The following PAX2 variants were observed in gnomAD, a reference collection of about 807,000 sequenced individuals.
PAX2 encodes the protein paired box protein Pax-2.
A neutral mutation model predicts 41.7 loss-of-function variants in PAX2; 9 were observed. That is an observed-to-expected ratio of 0.22 (90% CI 0.13 to 0.38). PAX2 has a LOEUF of 0.38. PAX2 is among the 10% of genes least tolerant of loss of function. PAX2 has a pLI of 1.00. For synonymous variants in PAX2, 221 were observed against 212.7 expected, an observed-to-expected ratio of 1.04 and a Z score of -0.34; for missense variants, 418 against 531.6, an observed-to-expected ratio of 0.79 and a Z score of 2.10.
At chr10:100,739,848 C>T (rs1486515681) in intron 1 of PAX2, among the ~76,000 whole-genome samples, 1 of 152,216 alleles carries the variant, frequency 6.6e-6, no homozygotes, top group Non-Finnish European at 1.5e-5. Context: ...ATCATTACTT[C>T]GCCAGCGACA....
intron 3 of PAX2, among the ~76,000 whole-genome samples, chr10:100,775,938 G>T (rs1446849392): frequency 6.6e-6 from 1 of 152,220 alleles, no homozygotes; most frequent in East Asian, 1.9e-4. Flanking sequence ...AGCCGTAAAA[G>T]CTCCTTTTCA....
intron 3 of PAX2, among the ~76,000 whole-genome samples, chr10:100,776,638 G>A (rs1187963178): frequency 3.9e-5 from 6 of 152,156 alleles, no homozygotes; most frequent in African/African-American, 7.2e-5. Context: ...CTGTGTGCCT[G>A]CTGATGCAGG....
chr10:100,749,568 T>G, intron 1 of PAX2, 178 bp from the exon 2 acceptor site: 1 of 1,406,414 alleles, frequency 7.1e-7, no homozygotes. Flanking sequence ...CCAGCGTCTG[T>G]GCTTCCAGTC....
chr10:100,745,340 G>A (rs1426012079), upstream of PAX2, among the ~76,000 whole-genome samples: 1 of 149,700 alleles, frequency 6.7e-6, no homozygotes, highest in Non-Finnish European at 1.5e-5. Flanking sequence ...TCCTTCGCCG[G>A]CTGCTCCCTC....
chr10:100,777,023 G>A lies in PAX2; in HGVS notation c.411-2475G>A, dbSNP rs542269591. 2.8e-4 allele frequency among the ~76,000 whole-genome samples: 43 copies of A among 152,208 alleles called. No individual in the cohort carries two copies. The South Asian group carries it at 3.5e-3, about 12-fold the overall frequency. On this transcript the variant is annotated intron_variant, in intron 3 of 9. Transcript: ENST00000355243. Reference sequence around the variant, plus strand: ...TCTAAACCTGGTTCCTACATGTTGGGGGCAGGATGACAAAGTAACAAAAAG... The same window carrying A: ...TCTAAACCTGGTTCCTACATGTTGGAGGCAGGATGACAAAGTAACAAAAAG...
intron 5 of PAX2, among the ~76,000 whole-genome samples, chr10:100,792,020 T>C (rs1847137723): frequency 6.6e-6 from 1 of 152,238 alleles, no homozygotes; most frequent in Non-Finnish European, 1.5e-5. Flanking sequence ...ACTTGCTTTT[T>C]CTTCGGATGC....
In PAX2 at chr10:100,826,964, C is replaced by T; in HGVS notation, c.1022-45C>T. On this transcript the variant is annotated intron_variant, in intron 8 of 9. Coordinates refer to ENST00000355243, the MANE Select transcript of PAX2 (RefSeq NM_000278.5). This position sits in a 1 kb window ranked among gnomAD's most constrained non-coding sequence, Gnocchi z 5.5. ...CACCGGCCGGACTCGTGGGGTCCGC[C>T]CTGGCTTGCAGGCGTCTGATCCCCA... 1 of 1,376,046 alleles carries T rather than the reference C, an allele frequency of 7.3e-7. No homozygotes were observed. Among genetic ancestry groups the T allele is most frequent in the African/African-American group, 1.4e-5 (1 of 70,032 alleles). The allele number at this position is 1,376,046 out of a possible 1,614,324, so 85.2% of individuals were successfully genotyped here.
chr10:100,798,152 G>A (rs1031504028), intron 5 of PAX2, among the ~76,000 whole-genome samples: 4 of 122,248 alleles, frequency 3.3e-5, no homozygotes, highest in Admixed American at 1.1e-4. Flanking sequence ...GTCTCACTCT[G>A]TCTCCCAGGC....
intron 5 of PAX2, among the ~76,000 whole-genome samples, chr10:100,792,082 C>T (rs745998039): frequency 2.0e-5 from 3 of 152,230 alleles, no homozygotes; most frequent in African/African-American, 7.2e-5. Flanking sequence ...GGGTGCCTTA[C>T]AGCCACTGAA....
rs141948788 is a variant in PAX2 at position 100,777,523 on chromosome 10, T to C, written c.411-1975T>C. ...AATTCTCCTGCCTCAGCTGCCTGAA[T>C]AGCTAAGATTACAGGTATCTGCCAC... is the stretch of plus-strand genomic sequence containing the variant. On this transcript the variant is annotated intron_variant, in intron 3 of 9. Coordinates refer to ENST00000355243, the MANE Select transcript of PAX2 (RefSeq NM_000278.5). Among the ~76,000 whole-genome samples the C allele has an allele frequency of 8.6e-4, 130 of 151,880 alleles. 3 individuals are homozygous for C. In the East Asian group the frequency reaches 0.025, roughly 29 times the overall value.
At chr10:100,756,950 T>C (rs1030205191) in intron 3 of PAX2, among the ~76,000 whole-genome samples, 1 of 152,200 alleles carries the variant, frequency 6.6e-6, no homozygotes, top group Non-Finnish European at 1.5e-5. Context: ...AAATAGAGTC[T>C]CACAACCAAT....
At chr10:100,755,555 C>T (rs1334539730) in intron 3 of PAX2, among the ~76,000 whole-genome samples, 1 of 152,214 alleles carries the variant, frequency 6.6e-6, no homozygotes, top group Non-Finnish European at 1.5e-5. Context: ...GTAACCTACT[C>T]AATTGCTTTT....
At chr10:100,769,489 G>A (rs552858655) in intron 3 of PAX2, among the ~76,000 whole-genome samples, 7 of 152,008 alleles carry the variant, frequency 4.6e-5, no homozygotes, top group South Asian at 2.1e-4. Flanking sequence ...TGAGCTGGGC[G>A]TGGTGGTGTG....
chr10:100,777,141 G>A (rs577638567), intron 3 of PAX2, among the ~76,000 whole-genome samples: 8 of 138,162 alleles, frequency 5.8e-5, no homozygotes, highest in Non-Finnish European at 1.1e-4. Flanking sequence ...TTACTCTGTC[G>A]CCTAGGCTGG....
intron 3 of PAX2, among the ~76,000 whole-genome samples, chr10:100,770,972 C>A (rs1262881129): frequency 6.6e-6 from 1 of 152,206 alleles, no homozygotes; most frequent in Non-Finnish European, 1.5e-5. Flanking sequence ...AGGATGGTTT[C>A]TTCACCTCCT....
At chr10:100,820,015 C>A (rs917802964) in intron 7 of PAX2, among the ~76,000 whole-genome samples, 2 of 152,228 alleles carry the variant, frequency 1.3e-5, no homozygotes, top group Admixed American at 1.3e-4. Flanking sequence ...AAGTACAGTG[C>A]TTTGAACACT....
At chr10:100,735,799 T>C in intron 1 of PAX2, 5 of 939,006 alleles carry the variant, frequency 5.3e-6, no homozygotes, top group Non-Finnish European at 6.4e-6. Context: ...GGGGCGGCCA[T>C]GGCCGGGGCG....
At position 100,746,015 on chromosome 10, in the gene PAX2, C is replaced by A. The variant is rs192851638; in HGVS notation, c.-246C>A. Reference sequence around the variant, plus strand: ...ACCGCCCCGGGGCCATTCTGCTGACCGCCCAGCCCCGAGCCCCGACAGTGG... The same window carrying A: ...ACCGCCCCGGGGCCATTCTGCTGACAGCCCAGCCCCGAGCCCCGACAGTGG... On this transcript the variant is annotated 5_prime_UTR_variant, in exon 1 of 10. Transcript: ENST00000355243. 2 of 1,395,040 alleles carry A rather than the reference C, an allele frequency of 1.4e-6. No homozygotes were observed. Among genetic ancestry groups the A allele is most frequent in the Non-Finnish European group, 1.8e-6 (2 of 1,081,544 alleles). The allele number at this position is 1,395,040 out of a possible 1,614,324, so 86.4% of individuals were successfully genotyped here. A position where few individuals can be genotyped will look rare whatever the true frequency, so the allele number is the denominator to read the frequency against.
rs907724003 is a variant in PAX2, at chr10:100,758,430, G to A, written c.410+7539G>A. 2.0e-5 allele frequency among the ~76,000 whole-genome samples: 3 copies of A among 152,260 alleles called. No homozygotes were observed. The East Asian group carries it at 5.8e-4, about 29-fold the overall frequency. ...GCTGGGATTACAGGCGTGAGCCACC[G>A]CGCCCGGCCGTCAGGTGCCATTCTA... On this transcript the variant is annotated intron_variant, in intron 3 of 9. Transcript: ENST00000355243.
Sources: allele counts gnomAD v4.1 joint callset (sites outside exome capture counted in the v4.1 genomes callset), GRCh38; gene constraint gnomAD v4.1.1; non-coding constraint Gnocchi (gnomAD v3.1); transcripts MANE v1.5; gene names NCBI Gene and HGNC (gene_info 2026-07-23, HGNC 2026-07-21).